Variants in RBM19 observed in about 807,000 individuals in gnomAD.
The protein encoded by RBM19 is probable RNA-binding protein 19.
RBM19 carries 94 observed loss-of-function variants against 116.8 expected under a neutral mutation model. The ratio of observed to expected loss-of-function variants is 0.80; its 90% CI spans 0.68 to 0.95. The LOEUF (loss-of-function observed/expected upper bound fraction) is 0.95. Among genes scored for constraint, RBM19 ranks in the 40% least tolerant of loss-of-function variants. RBM19 has a pLI of 0.00. For synonymous variants in RBM19, 475 were observed against 494.1 expected, an observed-to-expected ratio of 0.96 and a Z score of 0.51; for missense variants, 1,161 against 1,220.7, an observed-to-expected ratio of 0.95 and a Z score of 0.73.
intron 21 of RBM19, among the ~76,000 whole-genome samples, chr12:113,877,330 C>G (rs1243574401): frequency 1.3e-5 from 2 of 152,156 alleles, no homozygotes; most frequent in African/African-American, 2.4e-5. Context: ...AGAAGCATTA[C>G]CTGCTTGCCA....
At chr12:113,960,418 C>T (rs1019873854) in intron 2 of RBM19, among the ~76,000 whole-genome samples, 3 of 152,360 alleles carry the variant, frequency 2.0e-5, no homozygotes, top group Non-Finnish European at 4.4e-5. Context: ...CTGCCACTTA[C>T]TGAGGAACTC....
chr12:113,886,307 A>AT (rs1880513540), intron 21 of RBM19, among the ~76,000 whole-genome samples: 1 of 151,816 alleles, frequency 6.6e-6, no homozygotes, highest in Non-Finnish European at 1.5e-5. Flanking sequence ...TAATTTTTAA[A>AT]TTTTTTATAG....
rs1322990200 is a variant in RBM19 at position 113,826,226 on chromosome 12, C to T, written c.2786-2905G>A. ...TTCCTAATCCCTTTCCTGTCCACTT[C>T]CCCCACAGCATGTCTCCCGGTCTCA... is the stretch of plus-strand genomic sequence containing the variant. On this transcript the variant is annotated intron_variant, in intron 23 of 23. Coordinates refer to ENST00000261741, the MANE Select transcript of RBM19 (RefSeq NM_016196.4). 5.9e-5 allele frequency among the ~76,000 whole-genome samples: 9 copies of T among 152,350 alleles called. No individual in the cohort carries two copies. The East Asian group carries it at 1.5e-3, about 26-fold the overall frequency.
At chr12:113,853,842 TG>T (rs1220406971) in intron 22 of RBM19, among the ~76,000 whole-genome samples, 1 of 152,132 alleles carries the variant, frequency 6.6e-6, no homozygotes. Context: ...CTCTGGGGGC[TG>T]GGGGGAGTTG....
intron 21 of RBM19, among the ~76,000 whole-genome samples, chr12:113,863,942 G>A (rs533918384): frequency 1.3e-5 from 2 of 152,228 alleles, no homozygotes; most frequent in South Asian, 2.1e-4. Context: ...CTTCCTCAGC[G>A]CTTACGTGCC....
At chr12:113,953,656 T>C (rs565505811) in intron 7 of RBM19, among the ~76,000 whole-genome samples, 2 of 152,246 alleles carry the variant, frequency 1.3e-5, no homozygotes, top group Non-Finnish European at 2.9e-5. Context: ...TTGTAGACTC[T>C]GCTACAGCGA....
intron 1 of RBM19, among the ~76,000 whole-genome samples, chr12:113,965,096 C>G (rs1398809958): frequency 6.6e-6 from 1 of 151,690 alleles, no homozygotes; most frequent in Non-Finnish European, 1.5e-5. Flanking sequence ...CATGGCGAAA[C>G]CCCATGTCTC....
downstream of RBM19, among the ~76,000 whole-genome samples, chr12:113,821,223 G>T (rs1874394245): frequency 1.3e-5 from 2 of 152,142 alleles, no homozygotes; most frequent in African/African-American, 4.8e-5. Context: ...ATCCTGCTCT[G>T]GGGGGAGGTT....
Position 113,940,097 on chromosome 12 carries a change from C to T in RBM19, c.1801G>A (p.Ala601Thr). ...VKNLPAGTLA[A>T]QLQETFGHFG... ...TGGCCGAAGGTCTCCTGCAGCTGGG[C>T]CGCCAGGGTGCCTGCCGGGAGGTTC... is the stretch of plus-strand genomic sequence containing the variant. Residue 601 changes from alanine (A) to threonine (T), a missense_variant, in exon 15 of 24, where the codon GCC (alanine) becomes ACC (threonine). Physicochemically the swap from Ala to Thr is moderately conservative, Grantham distance 58. Transcript: ENST00000261741. The T allele has an allele frequency of 6.2e-7, 1 of 1,614,092 alleles. No individual in the cohort carries two copies. Among genetic ancestry groups the T allele is most frequent in the Non-Finnish European group, 8.5e-7 (1 of 1,179,978 alleles).
At chr12:113,876,610 G>A (rs1013648607) in intron 21 of RBM19, among the ~76,000 whole-genome samples, 6 of 151,946 alleles carry the variant, frequency 3.9e-5, no homozygotes, top group African/African-American at 1.5e-4. Flanking sequence ...GGGCAACATG[G>A]TGAAACCCCG....
At chr12:113,959,549 C>T (rs1224796245) in intron 4 of RBM19, 145 bp from the exon 5 acceptor site, 2 of 993,622 alleles carry the variant, frequency 2.0e-6, no homozygotes, top group Non-Finnish European at 2.9e-6. Context: ...TCTGGAGGAC[C>T]CCGAGGTTCA....
chr12:113,847,617 C>T (rs762743676), intron 22 of RBM19, among the ~76,000 whole-genome samples: 1 of 151,292 alleles, frequency 6.6e-6, no homozygotes, highest in Non-Finnish European at 1.5e-5. Flanking sequence ...CCCGGGGACA[C>T]GGTGGGGTGG....
chr12:113,935,067 A>G (rs1443227991), intron 16 of RBM19, among the ~76,000 whole-genome samples: 1 of 152,218 alleles, frequency 6.6e-6, no homozygotes, highest in Non-Finnish European at 1.5e-5. Flanking sequence ...ACAAATAAAC[A>G]GAATAAATAG....
In RBM19 at chr12:113,830,575, CGGG is replaced by C. The variant is rs1232420079; in HGVS notation, c.2786-7257_2786-7255del. 2.6e-3 allele frequency among the ~76,000 whole-genome samples: 32 copies of C among 12,088 alleles called. 3 individuals are homozygous for C. Among genetic ancestry groups the C allele is most frequent in the African/African-American group, 0.014 (27 of 1,954 alleles). The allele number at this position is 12,088 out of a possible 152,430, so 7.9% of individuals were successfully genotyped here. ...GTTACCCTGAGCTAGGGCTGCGGGG[CGGG>C]GGGGGGGGGGGTGGGCTATGCCTGG... On this transcript the variant is annotated intron_variant, in intron 23 of 23. Coordinates refer to ENST00000261741, the MANE Select transcript of RBM19 (RefSeq NM_016196.4).
At chr12:113,927,637 T>G (rs1301823879) in intron 16 of RBM19, among the ~76,000 whole-genome samples, 1 of 151,402 alleles carries the variant, frequency 6.6e-6, no homozygotes, top group Non-Finnish European at 1.5e-5. Flanking sequence ...TAGTGAACTT[T>G]CAAACTAAAA....
At chr12:113,910,921 C>T (rs181377667) in intron 21 of RBM19, among the ~76,000 whole-genome samples, 114 of 152,310 alleles carry the variant, frequency 7.5e-4, no homozygotes, top group Middle Eastern at 3.4e-3. Flanking sequence ...CACTCAGGCC[C>T]GATCCAGGCC....
At chr12:113,863,777 G>A (rs1173773285) in intron 21 of RBM19, among the ~76,000 whole-genome samples, 1 of 152,206 alleles carries the variant, frequency 6.6e-6, no homozygotes, top group Admixed American at 6.5e-5. Context: ...GTGGTTTCAT[G>A]ATAAGAATAA....
At chr12:113,926,938 C>T (rs762682315) in intron 17 of RBM19, 116 bp downstream of exon 17, 30 of 1,228,368 alleles carry the variant, frequency 2.4e-5, no homozygotes, top group South Asian at 4.4e-5. Context: ...GGTTATTGCT[C>T]CCAAGTGCAT....
intron 22 of RBM19, among the ~76,000 whole-genome samples, chr12:113,854,148 C>T (rs10850222): frequency 0.21 from 32,004 of 151,980 alleles, 3,606 homozygotes; most frequent in East Asian, 0.47. Context: ...CAACTTTGTC[C>T]CTTTGAGCCT....
Sources: gnomAD v4.1 joint callset for allele counts (sites outside exome capture counted in the v4.1 genomes callset) on GRCh38, gnomAD v4.1.1 for gene constraint, MANE v1.5 for transcripts, NCBI Gene and HGNC (gene_info 2026-07-23, HGNC 2026-07-21) for gene names.